Variants in GPATCH1 observed in about 807,000 individuals in gnomAD.
GPATCH1 encodes the protein G patch domain-containing protein 1.
A neutral mutation model predicts 114.9 loss-of-function variants in GPATCH1; 73 were observed. The observed-to-expected ratio is 0.64, with a 90% CI of 0.53 to 0.77. The LOEUF is 0.77. Ranked by LOEUF, GPATCH1 falls within the 30% of genes least tolerant of loss-of-function variation. The pLI, the probability that GPATCH1 is intolerant of heterozygous loss-of-function variation, is 0.00. For missense variants in GPATCH1, 1,058 were observed against 1,144.3 expected (o/e 0.92, Z 1.09); for synonymous variants, 391 against 428.4 (o/e 0.91, Z 1.08).
chr19:33,115,132 G>A (rs1448644135), intron 15 of GPATCH1, among the ~76,000 whole-genome samples: 1 of 149,934 alleles, frequency 6.7e-6, no homozygotes, highest in African/African-American at 2.5e-5. Context: ...TGTGATAATG[G>A]CTCACTGCAG....
chr19:33,114,776 A>G (rs1315438814), intron 15 of GPATCH1, among the ~76,000 whole-genome samples: 1 of 145,376 alleles, frequency 6.9e-6, no homozygotes, highest in Non-Finnish European at 1.5e-5. Flanking sequence ...GTGTATATAC[A>G]TTTAGGATTG....
intron 11 of GPATCH1, among the ~76,000 whole-genome samples, chr19:33,110,997 T>G (rs1181060867): frequency 6.7e-6 from 1 of 148,154 alleles, no homozygotes; most frequent in Non-Finnish European, 1.5e-5. Context: ...AAATATATTA[T>G]ATATATATAT....
chr19:33,129,216 C>T (rs1040676045), intron 19 of GPATCH1, among the ~76,000 whole-genome samples: 2 of 150,930 alleles, frequency 1.3e-5, no homozygotes, highest in African/African-American at 4.9e-5. Flanking sequence ...CACTGTACTC[C>T]AGCCTGGGTG....
intron 18 of GPATCH1, among the ~76,000 whole-genome samples, chr19:33,126,091 C>G (rs982046490): frequency 1.3e-5 from 2 of 152,162 alleles, no homozygotes; most frequent in Non-Finnish European, 2.9e-5. Context: ...GGATGACGGG[C>G]GTTCCCTCCT....
intron 8 of GPATCH1, among the ~76,000 whole-genome samples, chr19:33,100,791 T>G (rs1447084355): frequency 6.6e-6 from 1 of 151,952 alleles, no homozygotes; most frequent in African/African-American, 2.4e-5. Context: ...TTTTTTTTTT[T>G]TTCAGAAGGG....
At chr19:33,117,630 A>C (rs903549092) in intron 15 of GPATCH1, among the ~76,000 whole-genome samples, 195 bp from the exon 16 acceptor site, 2 of 152,110 alleles carry the variant, frequency 1.3e-5, no homozygotes, top group African/African-American at 4.8e-5. Flanking sequence ...CACATTGTAC[A>C]GTTGTTGACT....
rs975609052 is a variant in GPATCH1, at chr19:33,106,809, G to C, written c.1195G>C (p.Gly399Arg). ...ACTGCAGGTATTATCAGAGTCAGCTGGAAAGGCAACGCCTGACCCAGGGAC... is the reference window on the plus strand; with the variant it reads ...ACTGCAGGTATTATCAGAGTCAGCTCGAAAGGCAACGCCTGACCCAGGGAC... ...HLLQVLSESA[G>R]KATPDPGTHS... Residue 399 changes from glycine (G) to arginine (R), a missense_variant, in exon 10 of 20, where the codon GGA becomes CGA. Physicochemically the swap from Gly to Arg is moderately radical, Grantham distance 125 (BLOSUM62 -2). Transcript: ENST00000170564. The C allele has an allele frequency of 6.2e-7, 1 of 1,613,970 alleles. No homozygotes were observed. Among genetic ancestry groups the C allele is most frequent in the Non-Finnish European group, 8.5e-7 (1 of 1,180,010 alleles).
rs1972963766 is a variant in GPATCH1, at chr19:33,120,165, TAAA to T, written c.2521+1049_2521+1051del. 6.4e-5 allele frequency among the ~76,000 whole-genome samples: 9 copies of T among 140,634 alleles called. No individual in the cohort carries two copies. The South Asian group carries it at 1.9e-3, about 30-fold the overall frequency. The allele number at this position is 140,634 out of a possible 152,430, so 92.3% of individuals were successfully genotyped here. ...AAATAAAATATGTAAATATTTAAAA[TAAA>T]TATATATTCATATATAAATACATAT... On this transcript the variant is annotated intron_variant, in intron 17 of 19. Transcript: ENST00000170564.
At chr19:33,107,792 C>T (rs1972802157) in intron 10 of GPATCH1, among the ~76,000 whole-genome samples, 1 of 152,152 alleles carries the variant, frequency 6.6e-6, no homozygotes, top group Non-Finnish European at 1.5e-5. Flanking sequence ...CCACCATGAT[C>T]CACTGCTCGG....
intron 1 of GPATCH1, among the ~76,000 whole-genome samples, chr19:33,081,984 AGGCTTGAGC>A (rs1568335340): frequency 1.4e-5 from 2 of 141,988 alleles, no homozygotes; most frequent in Admixed American, 8.1e-5. Flanking sequence ...CAGGGATTAC[AGGCTTGAGC>A]CACTGTGCTC....
chr19:33,088,966 C>T (rs899028826), intron 2 of GPATCH1, among the ~76,000 whole-genome samples: 1 of 152,142 alleles, frequency 6.6e-6, no homozygotes, highest in Non-Finnish European at 1.5e-5. Context: ...TTTCTCTGAA[C>T]ATACACTGTA....
intron 9 of GPATCH1, 151 bp downstream of exon 9, chr19:33,101,725 A>G (rs1030697000): frequency 1.7e-6 from 1 of 603,104 alleles, no homozygotes; most frequent in Non-Finnish European, 2.9e-6. Context: ...GTCTAGAAAA[A>G]CATTCTACAT....
intron 13 of GPATCH1, 129 bp downstream of exon 13, chr19:33,112,742 A>G: frequency 3.4e-6 from 2 of 592,726 alleles, no homozygotes; most frequent in South Asian, 3.3e-5. Context: ...TGGATATACA[A>G]ATCTACACAT....
Position 33,096,267 on chromosome 19 carries a change from G to T in GPATCH1, c.673G>T (p.Val225Leu), listed in dbSNP as rs1276326057. The T allele has an allele frequency of 1.2e-6, 2 of 1,613,402 alleles. No individual in the cohort carries two copies. The highest frequency in any genetic ancestry group is 8.5e-7 in the Non-Finnish European group (1 of 1,179,422). Residue 225 changes from valine to leucine, a missense_variant, in exon 7 of 20, where the codon GTG becomes TTG. Around this residue, in one of 3 missense-constraint regions of GPATCH1, gnomAD observed 893 missense variants for 977.4 expected, o/e 0.91. Coordinates refer to ENST00000170564, the MANE Select transcript of GPATCH1 (RefSeq NM_018025.3). ...VTFAPKDVTP[V>L]DFTPKDNVHG... The stretch of plus-strand genomic sequence containing the variant: ...CTTTGCACCCAAAGATGTCACACCT[G>T]TGGATTTCACACCTAAAGATAATGT...
At chr19:33,086,369 C>T (rs779574103) in intron 1 of GPATCH1, among the ~76,000 whole-genome samples, 1 of 152,176 alleles carries the variant, frequency 6.6e-6, no homozygotes, top group Admixed American at 6.5e-5. Context: ...ATTTAATCCT[C>T]GTTACCACCC....
intron 1 of GPATCH1, among the ~76,000 whole-genome samples, chr19:33,084,667 C>CTTT (rs1188684122): frequency 8.0e-6 from 1 of 125,056 alleles, no homozygotes; most frequent in African/African-American, 2.9e-5. Flanking sequence ...TTTTTTTTTT[C>CTTT]TTTTTTTTTT....
At chr19:33,116,776 G>T (rs1015746082) in intron 15 of GPATCH1, among the ~76,000 whole-genome samples, 10 of 152,124 alleles carry the variant, frequency 6.6e-5, no homozygotes, top group African/African-American at 2.4e-4. Context: ...TGATCCACCC[G>T]CCTCGGCCTC....
At chr19:33,084,717 A>G (rs918541519) in intron 1 of GPATCH1, among the ~76,000 whole-genome samples, 4 of 149,596 alleles carry the variant, frequency 2.7e-5, no homozygotes, top group Non-Finnish European at 5.9e-5. Context: ...CTGGAGTGCA[A>G]TGGCACGATC....
intron 3 of GPATCH1, among the ~76,000 whole-genome samples, chr19:33,091,678 G>A: frequency 6.6e-6 from 1 of 152,096 alleles, no homozygotes; most frequent in Non-Finnish European, 1.5e-5. Flanking sequence ...GTTGATCTGT[G>A]CAGCAAACCT....
Sources: allele counts gnomAD v4.1 joint callset (sites outside exome capture counted in the v4.1 genomes callset), GRCh38; gene constraint gnomAD v4.1.1; regional missense constraint gnomAD v4.1.1; transcripts MANE v1.5; gene names NCBI Gene and HGNC (gene_info 2026-07-23, HGNC 2026-07-21).